Variants in SLC38A1 observed in about 807,000 individuals in gnomAD.
The protein encoded by SLC38A1 is sodium-coupled neutral amino acid symporter 1.
In SLC38A1, 18 loss-of-function variants were observed where a neutral mutation model predicts 60.3. The observed-to-expected ratio is 0.30, with a 90% CI of 0.21 to 0.44. The LOEUF (loss-of-function observed/expected upper bound fraction) is 0.44, where lower values mean the gene tolerates loss of function less well. Among genes scored for constraint, SLC38A1 ranks in the 20% least tolerant of loss-of-function variants. The pLI is 1.00. For synonymous variants in SLC38A1, 196 were observed against 212.1 expected, an observed-to-expected ratio of 0.92 and a Z score of 0.66; for missense variants, 448 against 587.2, an observed-to-expected ratio of 0.76 and a Z score of 2.45.
intron 3 of SLC38A1, among the ~76,000 whole-genome samples, chr12:46,237,544 G>T (rs1320792064): frequency 6.6e-6 from 1 of 151,774 alleles, no homozygotes; most frequent in Non-Finnish European, 1.5e-5. Flanking sequence ...GGAACCAAAA[G>T]CCAACAGACC....
chr12:46,252,152 G>A (rs1353637447), intron 1 of SLC38A1, among the ~76,000 whole-genome samples: 1 of 152,130 alleles, frequency 6.6e-6, no homozygotes, highest in African/African-American at 2.4e-5. Context: ...GGAATACTAT[G>A]CAGCCATAAA....
chr12:46,237,231 A>G (rs1448450431), intron 3 of SLC38A1, among the ~76,000 whole-genome samples: 1 of 152,198 alleles, frequency 6.6e-6, no homozygotes, highest in Non-Finnish European at 1.5e-5. Context: ...ATATAATTGG[A>G]CCTACCTTCC....
rs1939573178 is a variant in SLC38A1, at chr12:46,199,866, T to C, written c.1004-1123A>G. On this transcript the variant is annotated intron_variant, in intron 13 of 16. Transcript: ENST00000398637. ...GGAATTCAAATGCTAATCTGTACCA[T>C]AGAGCTTAGCTTGGTCTCAGTTTCC... is the stretch of plus-strand genomic sequence containing the variant. Among the ~76,000 whole-genome samples, 4 of 152,184 alleles carry C rather than the reference T, an allele frequency of 2.6e-5. No homozygotes were observed. The South Asian group carries it at 6.2e-4, about 24-fold the overall frequency.
rs1194919677 is a variant in SLC38A1, at chr12:46,201,114, G to C, written c.987C>G (p.Gly329=). The part of the protein sequence containing the change: ...FVMYFLTAIF[G]YLTFYDNVQS... ...ATTACTTACCATAGAATGTCAAGTAGCCAAAAATGGCAGTCAAGAAGTACA... is the reference window on the plus strand; with the variant it reads ...ATTACTTACCATAGAATGTCAAGTACCCAAAAATGGCAGTCAAGAAGTACA... The change falls in exon 13 of 17, where the codon GGC becomes GGG. Residue 329 remains glycine, a synonymous_variant. Transcript: ENST00000398637. 1 of 1,611,628 alleles carries C rather than the reference G, an allele frequency of 6.2e-7. No homozygotes were observed. Among genetic ancestry groups the C allele is most frequent in the Non-Finnish European group, 8.5e-7 (1 of 1,178,502 alleles).
intron 16 of SLC38A1, chr12:46,196,309 C>T (rs1939376309): frequency 6.5e-7 from 1 of 1,533,516 alleles, no homozygotes; most frequent in African/African-American, 1.4e-5. Context: ...TGGGGGTTGA[C>T]ATGGCTGCAC....
intron 16 of SLC38A1, 51 bp from the exon 17 acceptor site, chr12:46,189,122 ACATGTAC>A (rs1939036552): frequency 7.0e-7 from 1 of 1,432,718 alleles, no homozygotes; most frequent in Non-Finnish European, 9.8e-7. Context: ...AAATTTTTCC[ACATGTAC>A]CTGGGGAAAA....
chr12:46,221,123 C>T (rs1940641338), intron 5 of SLC38A1, among the ~76,000 whole-genome samples: 1 of 152,076 alleles, frequency 6.6e-6, no homozygotes, highest in Non-Finnish European at 1.5e-5. Context: ...AAACATGGAT[C>T]ATAGACAATA....
chr12:46,227,068 A>G (rs78769052), intron 5 of SLC38A1, among the ~76,000 whole-genome samples: 3,622 of 152,188 alleles, frequency 0.024, 64 homozygotes, highest in Non-Finnish European at 0.038. Flanking sequence ...AAAAATTAAC[A>G]AAACCTGGCT....
intron 3 of SLC38A1, among the ~76,000 whole-genome samples, chr12:46,234,481 TCTTTCGCCCAGGCCGGACTGCAG>T (rs1477739046): frequency 3.3e-5 from 5 of 151,092 alleles, no homozygotes; most frequent in Non-Finnish European, 7.4e-5. Context: ...GGAGTCTCTG[TCTTTCGCCCAGGCCGGACTGCAG>T]TGGCGCTATC....
chr12:46,198,633 A>C lies in SLC38A1; in HGVS notation c.1114T>G (p.Phe372Val). Residue 372 changes from phenylalanine to valine, a missense_variant, in exon 14 of 17, where the codon TTT becomes GTT. By Grantham distance (50) the Phe-to-Val change is conservative. Transcript: ENST00000398637. ...VAVILTVPVLFFTVRSSLFEL... is the reference protein window; with the variant it reads ...VAVILTVPVLVFTVRSSLFEL... ...CAGAGGCCCTTACTCACCGTGAAAA[A>C]TAACACCGGCACTGTGAGGATCACA... 1 of 1,605,788 alleles carries C rather than the reference A, an allele frequency of 6.2e-7. No individual in the cohort carries two copies. Among genetic ancestry groups the C allele is most frequent in the Non-Finnish European group, 8.5e-7 (1 of 1,176,332 alleles).
At chr12:46,214,013 C>T (rs1940295597) in intron 5 of SLC38A1, among the ~76,000 whole-genome samples, 1 of 152,218 alleles carries the variant, frequency 6.6e-6, no homozygotes, top group Admixed American at 6.5e-5. Flanking sequence ...ACTTAGCTCA[C>T]TGTATCTCAA....
At position 46,236,568 on chromosome 12, in the gene SLC38A1, A is replaced by G. The variant is rs368337615; in HGVS notation, c.122+3111T>C. ...TGCAAGTCTAAATCCAAAGCCATGTACTTTACTCTCTCTCTCAGTCAACAC... is the reference window on the plus strand; with the variant it reads ...TGCAAGTCTAAATCCAAAGCCATGTGCTTTACTCTCTCTCTCAGTCAACAC... On this transcript the variant is annotated intron_variant, in intron 3 of 16. Transcript: ENST00000398637. Among the ~76,000 whole-genome samples, 18 of 152,294 alleles carry G rather than the reference A, an allele frequency of 1.2e-4. No homozygotes were observed. The East Asian group carries it at 2.3e-3, about 20-fold the overall frequency.
At position 46,185,370 on chromosome 12, in the gene SLC38A1, CACA is replaced by C. The variant is rs1199961541; in HGVS notation, c.*3597_*3599del. 2 of 152,130 alleles carry C rather than the reference CACA, an allele frequency of 1.3e-5. No individual in the cohort carries two copies. Among genetic ancestry groups the C allele is most frequent in the Non-Finnish European group, 1.5e-5 (1 of 68,038 alleles). The allele number at this position is 152,130 out of a possible 1,614,324, so 9.4% of individuals were successfully genotyped here. ...TCGCCGAAGCACTGAGGAATCTTACCACAACCCTGTGTCCACCACAAGCCCTAT... is the reference window on the plus strand; with the variant it reads ...TCGCCGAAGCACTGAGGAATCTTACCACCCTGTGTCCACCACAAGCCCTAT... On this transcript the variant is annotated 3_prime_UTR_variant, in exon 17 of 17. Coordinates refer to ENST00000398637, the MANE Select transcript of SLC38A1 (RefSeq NM_030674.4).
rs988963830 is a variant in SLC38A1 at position 46,248,658 on chromosome 12, G to T, written c.-208-5344C>A. 5.3e-5 allele frequency among the ~76,000 whole-genome samples: 8 copies of T among 152,230 alleles called. No individual in the cohort carries two copies. The East Asian group carries it at 5.8e-4, about 11-fold the overall frequency. On this transcript the variant is annotated intron_variant, in intron 1 of 16. Transcript: ENST00000398637. The stretch of plus-strand genomic sequence containing the variant: ...ATATCCAAGACTTGAACTCATCTTT[G>T]CACCAAGTGGACCTAATAGATATCT...
At chr12:46,199,707 T>C (rs1276126359) in intron 13 of SLC38A1, among the ~76,000 whole-genome samples, 1 of 152,076 alleles carries the variant, frequency 6.6e-6, no homozygotes, top group Non-Finnish European at 1.5e-5. Flanking sequence ...CAGAAAGTGT[T>C]ATTTCAAAGA....
Position 46,204,380 on chromosome 12 carries a change from G to A in SLC38A1, c.743C>T (p.Pro248Leu), listed in dbSNP as rs1323334759. 7.4e-6 allele frequency: 12 copies of A among 1,613,404 alleles called. No individual in the cohort carries two copies. In the South Asian group the frequency reaches 1.1e-4, roughly 15 times the overall value. Residue 248 changes from proline (P) to leucine (L), a missense_variant, in exon 11 of 17, where the codon CCA becomes CTA. Physicochemically the swap from Pro to Leu is moderately conservative, Grantham distance 98 (BLOSUM62 -3). This residue lies in a region of SLC38A1 where 346 missense variants were observed against 497.5 expected (regional missense o/e 0.70). Coordinates refer to ENST00000398637, the MANE Select transcript of SLC38A1 (RefSeq NM_030674.4). ...YKKFQIPCIV[P>L]ELNSTISANS... is the part of the protein sequence containing the mutation. ...AGCACTTATTGTTGAATTTAGCTCT[G>A]GAACAATGCAGGGAATTTGAAATTT...
chr12:46,211,336 G>A (rs1485369397), intron 5 of SLC38A1, among the ~76,000 whole-genome samples: 1 of 152,180 alleles, frequency 6.6e-6, no homozygotes, highest in African/African-American at 2.4e-5. Flanking sequence ...ATTTTCCCAT[G>A]GGCCCAAGGC....
intron 16 of SLC38A1, among the ~76,000 whole-genome samples, chr12:46,189,321 A>C (rs1472183756): frequency 6.6e-6 from 1 of 152,024 alleles, no homozygotes; most frequent in Non-Finnish European, 1.5e-5. Flanking sequence ...CTTTGACTTC[A>C]TGGTCACCTC....
At chr12:46,222,913 A>T (rs188183027) in intron 5 of SLC38A1, among the ~76,000 whole-genome samples, 1 of 152,314 alleles carries the variant, frequency 6.6e-6, no homozygotes, top group Non-Finnish European at 1.5e-5. Context: ...GATATTGCCA[A>T]GCTGTTTTCA....
Sources: allele counts gnomAD v4.1 joint callset (sites outside exome capture counted in the v4.1 genomes callset), GRCh38; gene constraint gnomAD v4.1.1; regional missense constraint gnomAD v4.1.1; transcripts MANE v1.5; gene names NCBI Gene and HGNC (gene_info 2026-07-23, HGNC 2026-07-21).